Variants in CIITA observed in about 807,000 individuals in gnomAD.
CIITA encodes the protein class II major histocompatibility complex transactivator, also known as MHC class II transactivator.
In CIITA, 72 loss-of-function variants were observed where a neutral mutation model predicts 115.1. The observed-to-expected ratio is 0.63, with a 90% confidence interval of 0.52 to 0.76. The LOEUF is 0.76. CIITA is among the 30% of genes least tolerant of loss of function. CIITA has a pLI of 0.00. For synonymous variants in CIITA, 763 were observed against 635.6 expected (o/e 1.20, Z -3.02); for missense variants, 1,617 against 1,463.8 (o/e 1.10, Z -1.71).
intron 1 of CIITA, among the ~76,000 whole-genome samples, chr16:10,881,215 TTTACCCGAGAGGTGGAGG>T (rs2036394506): frequency 6.7e-6 from 1 of 149,486 alleles, no homozygotes; most frequent in African/African-American, 2.5e-5. Context: ...AGAGGCGGAG[TTTACCCGAGAGGTGGAGG>T]TTACCCGAGA....
rs1451220321 is a variant in CIITA, at chr16:10,930,546, A to C, written c.*6691A>C. ...AAGAAACTGAGGTTCTTATCATTTA[A>C]TAGGATAAGAAATTGAGGTTCAGAG... On this transcript the variant is annotated 3_prime_UTR_variant, in exon 20 of 20. Transcript: ENST00000324288. 1 of 152,230 alleles carries C rather than the reference A, an allele frequency of 6.6e-6. No individual in the cohort carries two copies. The allele number at this position is 152,230 out of a possible 1,614,324, so 9.4% of individuals were successfully genotyped here. A position where few individuals can be genotyped will look rare whatever the true frequency, so the allele number is the denominator to read the frequency against.
rs1018764329 is a variant in CIITA, at chr16:10,925,147, T to C, written c.*1292T>C. The C allele has an allele frequency of 1.3e-5, 2 of 152,226 alleles. No individual in the cohort carries two copies. The highest frequency in any genetic ancestry group is 4.8e-5 in the African/African-American group (2 of 41,452). 9.4% of individuals were successfully genotyped at this position (152,226 alleles called of 1,614,324 possible). A position where few individuals can be genotyped will look rare whatever the true frequency, so the allele number is the denominator to read the frequency against. On this transcript the variant is annotated 3_prime_UTR_variant, in exon 20 of 20. Coordinates refer to ENST00000324288, the MANE Select transcript of CIITA (RefSeq NM_000246.4). ...GCTGGCTGTTGGCTGGGGGCCTCAG[T>C]GCCACTACGGAATAGTTGGCTAGGA...
At position 10,915,576 on chromosome 16, in the gene CIITA, C is replaced by T; in HGVS notation, c.2895C>T (p.Gly965=). Residue 965 remains glycine, a synonymous_variant, in exon 14 of 20, where the codon GGC becomes GGT. Coordinates refer to ENST00000324288, the MANE Select transcript of CIITA (RefSeq NM_000246.4). ...RDLKKLEFAL[G]PVSGPQAFPK... ...CTTGCTCTTTGCCTCCTAGGCTGGG[C>T]CCTGTCTCAGGCCCCCAGGCTTTCC... 6.2e-7 allele frequency: 1 copy of T among 1,613,748 alleles called. No homozygotes were observed. Among genetic ancestry groups the T allele is most frequent in the Non-Finnish European group, 8.5e-7 (1 of 1,179,652 alleles).
In CIITA at chr16:10,908,057, G is replaced by A. The variant is rs2229321; in HGVS notation, c.2565G>A (p.Ala855=). The A allele has an allele frequency of 0.076, 121,918 of 1,612,930 alleles. 5,059 individuals carry two copies. The highest frequency in any genetic ancestry group is 0.097 in the Middle Eastern group (589 of 6,058). ...TACTGGGCAAGGCCTTGGAGGCGGCGGGCCAAGACTTCTCCCTGGACCTCC... is the reference window on the plus strand; with the variant it reads ...TACTGGGCAAGGCCTTGGAGGCGGCAGGCCAAGACTTCTCCCTGGACCTCC... ...AHVLGKALEA[A]GQDFSLDLRS... The change falls in exon 11 of 20, where the codon GCG becomes GCA. Residue 855 remains alanine, a synonymous_variant. Coordinates refer to ENST00000324288, the MANE Select transcript of CIITA (RefSeq NM_000246.4).
In CIITA at chr16:10,906,953, C is replaced by G. The variant is rs141202424; in HGVS notation, c.1461C>G (p.Ile487Met). 1,232 of 1,613,112 alleles carry G rather than the reference C, an allele frequency of 7.6e-4. 7 individuals carry two copies. The highest frequency in any genetic ancestry group is 4.9e-4 in the Non-Finnish European group (577 of 1,180,038). Residue 487 changes from isoleucine to methionine, a missense_variant, in exon 11 of 20, where the codon ATC becomes ATG. By Grantham distance (10) the Ile-to-Met change is conservative. Transcript: ENST00000324288. ...LVAADEVFSH[I>M]LKRPDRVLLI... ...CGGCCGATGAGGTTTTCAGCCACAT[C>G]TTGAAGAGACCTGACCGCGTTCTGC...
At chr16:10,866,382 G>C (rs2035068695) in intron 1 of CIITA, 1 of 566,988 alleles carries the variant, frequency 1.8e-6, no homozygotes, top group South Asian at 1.4e-5. Flanking sequence ...ACAACCTGCT[G>C]AAGGAGGACC....
chr16:10,877,807 G>C (rs1374098226), intron 1 of CIITA, among the ~76,000 whole-genome samples: 2 of 152,198 alleles, frequency 1.3e-5, no homozygotes, highest in African/African-American at 4.8e-5. Flanking sequence ...AGTCAGCCTT[G>C]AGGTGTAGCT....
rs766629446 is a variant in CIITA, at chr16:10,907,899, G to T, written c.2407G>T (p.Ala803Ser). Residue 803 changes from alanine to serine, a missense_variant, in exon 11 of 20, where the codon GCG becomes TCG. Ala to Ser is a moderately conservative substitution (Grantham distance 99). Coordinates refer to ENST00000324288, the MANE Select transcript of CIITA (RefSeq NM_000246.4). This position sits in a 1 kb window ranked among gnomAD's most constrained non-coding sequence, Gnocchi z 5.0. ...GCGGCTGCAGCCGGGGACACTGCGG[G>T]CGCGGCAGCTGCTGGAGCTGCTGCA... is the stretch of plus-strand genomic sequence containing the variant. The part of the protein sequence containing the change: ...LKRLQPGTLR[A>S]RQLLELLHCA... The T allele has an allele frequency of 6.3e-7, 1 of 1,587,216 alleles. No homozygotes were observed. Among genetic ancestry groups the T allele is most frequent in the South Asian group, 1.2e-5 (1 of 86,596 alleles).
At chr16:10,866,411 A>G (rs1468263919) in intron 1 of CIITA, 1 of 566,030 alleles carries the variant, frequency 1.8e-6, no homozygotes, top group Non-Finnish European at 3.5e-6. Flanking sequence ...AGGGAATACC[A>G]CTGCACTCTG....
At chr16:10,875,872 A>T (rs1259922738), upstream of CIITA, among the ~76,000 whole-genome samples, 1 of 152,218 alleles carries the variant, frequency 6.6e-6, no homozygotes, top group East Asian at 1.9e-4. Context: ...AATTAGCTGG[A>T]TGTAGGAGAA....
chr16:10,918,382 G>A, intron 15 of CIITA, 58 bp from the exon 16 acceptor site: 2 of 1,455,758 alleles, frequency 1.4e-6, no homozygotes, highest in Non-Finnish European at 9.7e-7. Context: ...TCTCCTTGAG[G>A]TCAAAGTGAG....
intron 1 of CIITA, among the ~76,000 whole-genome samples, chr16:10,881,283 G>A (rs1440180398): frequency 1.3e-5 from 2 of 151,412 alleles, no homozygotes; most frequent in Non-Finnish European, 2.9e-5. Context: ...GGGCAACAGA[G>A]CAAGACTGTC....
intron 15 of CIITA, among the ~76,000 whole-genome samples, chr16:10,917,481 A>ATTTTT (rs36011152): frequency 7.5e-6 from 1 of 132,834 alleles, no homozygotes; most frequent in Non-Finnish European, 1.6e-5. Context: ...GTTCAATGGG[A>ATTTTT]TTTTTTTTTT....
intron 2 of CIITA, 68 bp downstream of exon 2, chr16:10,895,496 CAG>C (rs779077029): frequency 3.6e-4 from 584 of 1,603,986 alleles, no homozygotes; most frequent in Admixed American, 4.7e-4. Context: ...AGACGGCAAT[CAG>C]GGGAAATTCT....
At chr16:10,898,849 C>T (rs2038411915) in intron 4 of CIITA, 76 bp from the exon 5 acceptor site, 2 of 1,598,954 alleles carry the variant, frequency 1.3e-6, no homozygotes, top group South Asian at 2.2e-5. Context: ...CCCCTCTCCC[C>T]AAGGTGGGTA....
At chr16:10,905,364 C>T (rs939858109) in intron 10 of CIITA, among the ~76,000 whole-genome samples, 1 of 152,168 alleles carries the variant, frequency 6.6e-6, no homozygotes, top group Non-Finnish European at 1.5e-5. Context: ...AACCCAGACA[C>T]GTGGGCTCCA....
At position 10,922,396 on chromosome 16, in the gene CIITA, T is replaced by C. The variant is rs765470640; in HGVS notation, c.3234-11T>C. The C allele has an allele frequency of 6.2e-7, 1 of 1,614,156 alleles. No individual in the cohort carries two copies. Among genetic ancestry groups the C allele is most frequent in the Non-Finnish European group, 8.5e-7 (1 of 1,180,024 alleles). ...CAAGGGCCAGGCCCCAAGGTGAGTT[T>C]CTCTTGCCAGCGTCCAGTACAACAA... On this transcript the variant is annotated splice_polypyrimidine_tract_variant and intron_variant, in intron 17 of 19. Transcript: ENST00000324288.
Position 10,926,463 on chromosome 16 carries a change from CT to C in CIITA, c.*2609del, listed in dbSNP as rs2040535251. 6.6e-6 allele frequency: 1 copy of C among 152,238 alleles called. No individual in the cohort carries two copies. The highest frequency in any genetic ancestry group is 2.1e-4 in the South Asian group (1 of 4,836). The allele number at this position is 152,238 out of a possible 1,614,324, so 9.4% of individuals were successfully genotyped here. On this transcript the variant is annotated 3_prime_UTR_variant, in exon 20 of 20. Transcript: ENST00000324288. ...TTTGGTCTGACCCACTGCTTTTGGT[CT>C]GTGTGATGATGAAATGAGGTCAGAG...
intron 8 of CIITA, among the ~76,000 whole-genome samples, chr16:10,903,141 G>A (rs1255123550): frequency 2.6e-5 from 4 of 152,186 alleles, no homozygotes; most frequent in African/African-American, 9.7e-5. Flanking sequence ...GACAAGTGAT[G>A]TTTACAAGAA....
Sources: allele counts gnomAD v4.1 joint callset (sites outside exome capture counted in the v4.1 genomes callset), GRCh38; gene constraint gnomAD v4.1.1; non-coding constraint Gnocchi (gnomAD v3.1); transcripts MANE v1.5; gene names NCBI Gene and HGNC (gene_info 2026-07-23, HGNC 2026-07-21).